Variants in USH2A observed in about 807,000 individuals in gnomAD.
USH2A encodes the protein Usher syndrome 2A (autosomal recessive, mild).
USH2A carries 443 observed loss-of-function variants against 538.9 expected under a neutral mutation model. The ratio of observed to expected loss-of-function variants is 0.82; its 90% confidence interval spans 0.76 to 0.89. The LOEUF is 0.89. Ranked by LOEUF, USH2A falls within the 40% of genes least tolerant of loss-of-function variation. The pLI is 0.00. For missense variants in USH2A, 6,633 were observed against 6,324.8 expected (o/e 1.05, Z -1.65); for synonymous variants, 2,413 against 2,273.5 (o/e 1.06, Z -1.75).
intron 15 of USH2A, among the ~76,000 whole-genome samples, chr1:216,211,667 C>T (rs1027295213): frequency 6.6e-6 from 1 of 152,162 alleles, no homozygotes. Context: ...GTTCTATTAA[C>T]ATTCCAACAG....
chr1:216,422,395 C>G lies in USH2A; in HGVS notation c.-59G>C. 6.2e-7 allele frequency: 1 copy of G among 1,608,816 alleles called. No individual in the cohort carries two copies. The highest frequency in any genetic ancestry group is 2.2e-5 in the East Asian group (1 of 44,560). Reference sequence around the variant, plus strand: ...ATTTCTAAATAAATAATCAGGCCCACGCCACTTGCCAGCAATACTTTGAAG... The same window carrying G: ...ATTTCTAAATAAATAATCAGGCCCAGGCCACTTGCCAGCAATACTTTGAAG... On this transcript the variant is annotated 5_prime_UTR_variant, in exon 2 of 72. Coordinates refer to ENST00000307340, the MANE Select transcript of USH2A (RefSeq NM_206933.4).
intron 47 of USH2A, among the ~76,000 whole-genome samples, chr1:215,826,108 A>G (rs186472099): frequency 6.6e-6 from 1 of 152,310 alleles, no homozygotes; most frequent in East Asian, 1.9e-4. Flanking sequence ...ATACCACAAT[A>G]TTGATCTATA....
intron 3 of USH2A, among the ~76,000 whole-genome samples, chr1:216,383,734 G>A (rs1265291606): frequency 1.3e-5 from 2 of 152,178 alleles, no homozygotes; most frequent in Non-Finnish European, 2.9e-5. Context: ...CTGGAGTGCA[G>A]TGGCACGACC....
At chr1:216,070,882 G>A (rs2031537967) in intron 29 of USH2A, among the ~76,000 whole-genome samples, 1 of 151,614 alleles carries the variant, frequency 6.6e-6, no homozygotes, top group Non-Finnish European at 1.5e-5. Context: ...AAAGGAGCTG[G>A]TGCCTTTGAG....
chr1:216,295,609 T>C (rs1245318420), intron 9 of USH2A, among the ~76,000 whole-genome samples: 2 of 151,962 alleles, frequency 1.3e-5, no homozygotes, highest in Non-Finnish European at 2.9e-5. Context: ...ACAAGATTTA[T>C]AATAAGTAAA....
chr1:216,233,463 A>G (rs533501857), intron 13 of USH2A, among the ~76,000 whole-genome samples: 80 of 152,140 alleles, frequency 5.3e-4, no homozygotes, highest in African/African-American at 1.8e-3. Context: ...TTCCACCAAA[A>G]TCTAACTTCC....
At position 215,844,340 on chromosome 1, in the gene USH2A, G is replaced by A. The variant is rs1263047949; in HGVS notation, c.9212C>T (p.Ser3071Leu). 12 of 1,613,700 alleles carry A rather than the reference G, an allele frequency of 7.4e-6. No homozygotes were observed. Among genetic ancestry groups the A allele is most frequent in the South Asian group, 1.1e-5 (1 of 91,052 alleles). ...GGGAGACAGGTCTCTCAGAATAAAC[G>A]ACCCAGGCACATTCATTCCAGTCTT... ...LYKTGMNVPG[S>L]FILRDLSPFT... Residue 3071 changes from serine to leucine, a missense_variant, in exon 46 of 72, where the codon TCG becomes TTG. Coordinates refer to ENST00000307340, the MANE Select transcript of USH2A (RefSeq NM_206933.4).
chr1:215,727,639 T>C (rs796536548), intron 61 of USH2A, among the ~76,000 whole-genome samples: 25 of 152,014 alleles, frequency 1.6e-4, no homozygotes, highest in African/African-American at 6.0e-4. Context: ...GCAGGAGAAT[T>C]GCTTAAACCT....
At chr1:215,960,306 T>C (rs1408770375) in intron 37 of USH2A, among the ~76,000 whole-genome samples, 1 of 152,172 alleles carries the variant, frequency 6.6e-6, no homozygotes, top group Non-Finnish European at 1.5e-5. Flanking sequence ...TTGCTACTAC[T>C]ATGCTGTAAA....
intron 46 of USH2A, among the ~76,000 whole-genome samples, chr1:215,843,240 T>C (rs576981724): frequency 6.6e-6 from 1 of 152,322 alleles, no homozygotes; most frequent in Admixed American, 6.5e-5. Flanking sequence ...TAATATCTTC[T>C]GAAAATTATC....
chr1:215,901,274 G>A (rs1665492920), intron 38 of USH2A: 1 of 349,456 alleles, frequency 2.9e-6, no homozygotes, highest in African/African-American at 2.1e-5. Context: ...ATTGAACACT[G>A]AAGCAGTCCA....
At position 215,868,650 on chromosome 1, in the gene USH2A, T is replaced by A. The variant is rs1236947111; in HGVS notation, c.8682-1480A>T. On this transcript the variant is annotated intron_variant, in intron 43 of 71. Coordinates refer to ENST00000307340, the MANE Select transcript of USH2A (RefSeq NM_206933.4). ...GAAGATAGGGTTTTTGCAGATGTAA[T>A]CAAGTTAAGATGAGGTCATACTGGA... 2.0e-5 allele frequency among the ~76,000 whole-genome samples: 3 copies of A among 152,194 alleles called. 1 individual carries two copies. Among genetic ancestry groups the A allele is most frequent in the Admixed American group, 1.3e-4 (2 of 15,282 alleles).
intron 61 of USH2A, among the ~76,000 whole-genome samples, chr1:215,693,110 GTA>G (rs1491244384): frequency 4.3e-5 from 4 of 93,610 alleles, no homozygotes; most frequent in African/African-American, 1.3e-4. Flanking sequence ...GTGTGTGTGT[GTA>G]TGTGTATATA....
rs61657867 is a variant in USH2A at position 216,355,307 on chromosome 1, A to AAAAGAAAGAAAGAAAGAAAG, written c.784+9626_784+9645dup. On this transcript the variant is annotated intron_variant, in intron 4 of 71. Transcript: ENST00000307340. Reference sequence around the variant, plus strand: ...TGACAGAGTGAAAGACTCTGCTTCAAAAAGAAAGAAAGAAAGAAAGAAAGA... The same window carrying AAAAGAAAGAAAGAAAGAAAG: ...TGACAGAGTGAAAGACTCTGCTTCAAAAAGAAAGAAAGAAAGAAAGAAAGAAAGAAAGAAAGAAAGAAAGA... Among the ~76,000 whole-genome samples, 1,033 of 103,402 alleles carry AAAAGAAAGAAAGAAAGAAAG rather than the reference A, an allele frequency of 1.0e-2. 13 individuals are homozygous for AAAAGAAAGAAAGAAAGAAAG. Among genetic ancestry groups the AAAAGAAAGAAAGAAAGAAAG allele is most frequent in the Middle Eastern group, 0.016 (3 of 184 alleles). 67.8% of individuals were successfully genotyped at this position (103,402 alleles called of 152,430 possible). A position where few individuals can be genotyped will look rare whatever the true frequency, so the allele number is the denominator to read the frequency against.
At position 215,743,219 on chromosome 1, in the gene USH2A, G is replaced by A. The variant is rs371987720; in HGVS notation, c.11506C>T (p.Pro3836Ser). ...HQSTLLENLTPFTQYEIRIQA... is the reference protein window; with the variant it reads ...HQSTLLENLTSFTQYEIRIQA... Reference sequence around the variant, plus strand: ...ATCCTTATCTCATACTGTGTGAATGGAGTCAAATTTTCCAGAAGGGTGGAT... The same window carrying A: ...ATCCTTATCTCATACTGTGTGAATGAAGTCAAATTTTCCAGAAGGGTGGAT... Residue 3836 changes from proline to serine, a missense_variant, in exon 59 of 72, where the codon CCA becomes TCA. Physicochemically the swap from Pro to Ser is moderately conservative, Grantham distance 74 (BLOSUM62 -1). Transcript: ENST00000307340. 1.9e-5 allele frequency: 30 copies of A among 1,612,394 alleles called. No homozygotes were observed. In the African/African-American group the frequency reaches 2.8e-4, roughly 15 times the overall value.
chr1:215,657,601 T>G (rs1430406357), intron 64 of USH2A, among the ~76,000 whole-genome samples: 3 of 152,216 alleles, frequency 2.0e-5, no homozygotes, highest in Non-Finnish European at 2.9e-5. Flanking sequence ...TTTACAGATA[T>G]AGTCCCGTTT....
chr1:215,704,564 C>A (rs1659131004), intron 61 of USH2A, among the ~76,000 whole-genome samples: 1 of 152,162 alleles, frequency 6.6e-6, no homozygotes, highest in Non-Finnish European at 1.5e-5. Flanking sequence ...TGATTGCCAG[C>A]CCTTACCAGC....
At position 216,193,506 on chromosome 1, in the gene USH2A, G is replaced by A. The variant is rs542104417; in HGVS notation, c.4251+3047C>T. Among the ~76,000 whole-genome samples, 193 of 152,196 alleles carry A rather than the reference G, an allele frequency of 1.3e-3. 1 individual carries two copies. The highest frequency in any genetic ancestry group is 4.5e-3 in the African/African-American group (186 of 41,538). On this transcript the variant is annotated intron_variant, in intron 19 of 71. Coordinates refer to ENST00000307340, the MANE Select transcript of USH2A (RefSeq NM_206933.4). ...ATGGCAAACCTATTAGTAGTGGATT[G>A]TATAGTGTCTCCCAAAAATTCAGAA... is the stretch of plus-strand genomic sequence containing the variant.
intron 16 of USH2A, among the ~76,000 whole-genome samples, chr1:216,204,966 A>G (rs1173378044): frequency 6.6e-6 from 1 of 152,186 alleles, no homozygotes; most frequent in Non-Finnish European, 1.5e-5. Context: ...TGATTAGTGA[A>G]TGAATACACA....
Sources: allele counts gnomAD v4.1 joint callset (sites outside exome capture counted in the v4.1 genomes callset), GRCh38; gene constraint gnomAD v4.1.1; transcripts MANE v1.5; gene names NCBI Gene and HGNC (gene_info 2026-07-23, HGNC 2026-07-21).